The following LARS2 variants were observed in gnomAD, a reference collection of about 807,000 sequenced individuals.
LARS2 encodes the protein leucine--tRNA ligase, mitochondrial.
Under a neutral mutation model 116.6 loss-of-function variants are expected in LARS2, and 81 were observed. The ratio of observed to expected loss-of-function variants is 0.69; its 90% confidence interval spans 0.58 to 0.84. The LOEUF (loss-of-function observed/expected upper bound fraction) is 0.84. Among genes scored for constraint, LARS2 ranks in the 40% least tolerant of loss-of-function variants. The pLI, the probability that LARS2 is intolerant of heterozygous loss-of-function variation, is 0.00. For synonymous variants in LARS2, 396 were observed against 407.2 expected, an observed-to-expected ratio of 0.97 and a Z score of 0.33; for missense variants, 968 against 1,114.5, an observed-to-expected ratio of 0.87 and a Z score of 1.87.
intron 7 of LARS2, among the ~76,000 whole-genome samples, 174 bp downstream of exon 7, chr3:45,447,154 T>C (rs993066729): frequency 6.6e-6 from 1 of 152,156 alleles, no homozygotes; most frequent in African/African-American, 2.4e-5. Context: ...CTGGGCTTCT[T>C]TTACCCTTGA....
At chr3:45,540,738 A>C (rs1451847089) in intron 20 of LARS2, among the ~76,000 whole-genome samples, 1 of 75,100 alleles carries the variant, frequency 1.3e-5, no homozygotes, top group African/African-American at 3.6e-5. Context: ...GCTTGCATGT[A>C]TCTATCTGTC....
At chr3:45,528,541 T>G (rs747999828) in intron 20 of LARS2, among the ~76,000 whole-genome samples, 25 of 152,198 alleles carry the variant, frequency 1.6e-4, no homozygotes, top group Non-Finnish European at 3.2e-4. Context: ...GTTTTAGAAC[T>G]GGATTTCCAT....
intron 13 of LARS2, among the ~76,000 whole-genome samples, chr3:45,494,959 TCAGGAGGCTGAGG>T (rs1164891459): frequency 6.6e-6 from 1 of 152,108 alleles, no homozygotes; most frequent in Middle Eastern, 3.2e-3. Context: ...TCCCAGTTAC[TCAGGAGGCTGAGG>T]CAGGAGAATT....
At chr3:45,415,860 A>AAATATAT (rs1553627793) in intron 4 of LARS2, among the ~76,000 whole-genome samples, 8 of 92,734 alleles carry the variant, frequency 8.6e-5, no homozygotes, top group African/African-American at 3.5e-4. Context: ...AAAAAAAAAA[A>AAATATAT]ATATATATAT....
intron 15 of LARS2, among the ~76,000 whole-genome samples, chr3:45,503,589 G>A (rs1050531355): frequency 2.6e-5 from 4 of 151,980 alleles, no homozygotes; most frequent in Admixed American, 1.3e-4. Context: ...TACTCCAACT[G>A]ACTTTTTCAC....
intron 6 of LARS2, among the ~76,000 whole-genome samples, chr3:45,442,797 G>C (rs1437883456): frequency 6.6e-6 from 1 of 152,168 alleles, no homozygotes; most frequent in Non-Finnish European, 1.5e-5. Context: ...TGTTTAACAT[G>C]TTATCAGTAT....
intron 15 of LARS2, 71 bp downstream of exon 15, chr3:45,500,650 T>C: frequency 8.2e-7 from 1 of 1,214,002 alleles, no homozygotes; most frequent in Non-Finnish European, 1.1e-6. Context: ...TGTCAGTTCT[T>C]CTGAAGCAAG....
chr3:45,503,884 G>A (rs1156251259), intron 15 of LARS2, among the ~76,000 whole-genome samples: 2 of 151,928 alleles, frequency 1.3e-5, no homozygotes, highest in African/African-American at 2.4e-5. Flanking sequence ...CTCCCTGCAC[G>A]CCACTCTTTA....
chr3:45,532,735 G>C (rs1386883494), intron 20 of LARS2, among the ~76,000 whole-genome samples: 1 of 152,060 alleles, frequency 6.6e-6, no homozygotes, highest in Non-Finnish European at 1.5e-5. Context: ...TCCGCCTCCC[G>C]GGTTCAAGCA....
In LARS2 at chr3:45,476,538, C is replaced by G. The variant is rs537811830; in HGVS notation, c.929C>G (p.Ser310Cys). 1 of 1,614,224 alleles carries G rather than the reference C, an allele frequency of 6.2e-7. No individual in the cohort carries two copies. The highest frequency in any genetic ancestry group is 2.2e-5 in the East Asian group (1 of 44,890). The change falls in exon 10 of 22, where the codon TCC becomes TGC. Residue 310 changes from serine (S) to cysteine (C), a missense_variant. Ser to Cys is a moderately radical substitution (Grantham distance 112). Transcript: ENST00000645846. Reference sequence around the variant, plus strand: ...ACCCCTGAAGCCATTTATGGCACCTCCCACGTGGCCATCTCGCCCAGCCAC... The same window carrying G: ...ACCCCTGAAGCCATTTATGGCACCTGCCACGTGGCCATCTCGCCCAGCCAC... ...TATPEAIYGT[S>C]HVAISPSHRL...
chr3:45,414,687 G>A lies in LARS2; in HGVS notation c.364-2795G>A, dbSNP rs913591636. Among the ~76,000 whole-genome samples the A allele has an allele frequency of 1.9e-4, 29 of 151,618 alleles. 1 individual carries two copies. Among genetic ancestry groups the A allele is most frequent in the African/African-American group, 6.5e-4 (27 of 41,300 alleles). Reference sequence around the variant, plus strand: ...GAGATTACGGTGAACTGATCGTGGCGCCACTGCACTTCAGCCTCGGCAACC... The same window carrying A: ...GAGATTACGGTGAACTGATCGTGGCACCACTGCACTTCAGCCTCGGCAACC... On this transcript the variant is annotated intron_variant, in intron 4 of 21. Coordinates refer to ENST00000645846, the MANE Select transcript of LARS2 (RefSeq NM_015340.4).
At chr3:45,543,794 T>A (rs772675127) in intron 21 of LARS2, among the ~76,000 whole-genome samples, 8 of 152,266 alleles carry the variant, frequency 5.3e-5, no homozygotes, top group Non-Finnish European at 1.2e-4. Context: ...ATTTGAGTAA[T>A]GTTTATGAGA....
At chr3:45,507,845 G>GTAC (rs1700221988) in intron 15 of LARS2, among the ~76,000 whole-genome samples, 1 of 152,016 alleles carries the variant, frequency 6.6e-6, no homozygotes, top group African/African-American at 2.4e-5. Context: ...TTTTTACAAT[G>GTAC]ATTGTGTAAC....
At chr3:45,464,301 G>A (rs1304526760) in intron 8 of LARS2, among the ~76,000 whole-genome samples, 2 of 152,202 alleles carry the variant, frequency 1.3e-5, no homozygotes, top group African/African-American at 4.8e-5. Flanking sequence ...CAGCCTCAGA[G>A]AAGCAGTGAG....
intron 7 of LARS2, among the ~76,000 whole-genome samples, chr3:45,449,739 A>C (rs1699094047): frequency 6.6e-6 from 1 of 152,246 alleles, no homozygotes; most frequent in Non-Finnish European, 1.5e-5. Context: ...TTATTTCAAA[A>C]TACAAATTTT....
intron 6 of LARS2, among the ~76,000 whole-genome samples, chr3:45,422,787 A>G (rs1698535949): frequency 6.6e-6 from 1 of 152,184 alleles, no homozygotes; most frequent in African/African-American, 2.4e-5. Flanking sequence ...TTTATTAAAA[A>G]AATAAACTTT....
At chr3:45,491,839 G>T (rs1213364563) in intron 13 of LARS2, 39 bp downstream of exon 13, 3 of 1,588,086 alleles carry the variant, frequency 1.9e-6, no homozygotes, top group Non-Finnish European at 2.6e-6. Flanking sequence ...CTGTGCCTAT[G>T]GCCCCATACC....
chr3:45,450,311 C>A (rs1462459383), intron 7 of LARS2, among the ~76,000 whole-genome samples: 5 of 152,132 alleles, frequency 3.3e-5, no homozygotes, highest in Non-Finnish European at 7.4e-5. Context: ...AATTTCCCTA[C>A]TGTATTATCA....
At chr3:45,503,847 A>T (rs866871707) in intron 15 of LARS2, among the ~76,000 whole-genome samples, 1 of 152,062 alleles carries the variant, frequency 6.6e-6, no homozygotes, top group Non-Finnish European at 1.5e-5. Flanking sequence ...TTTTGTAACT[A>T]CACAGAAAGT....
Sources: gnomAD v4.1 joint callset for allele counts (sites outside exome capture counted in the v4.1 genomes callset) on GRCh38, gnomAD v4.1.1 for gene constraint, MANE v1.5 for transcripts, NCBI Gene and HGNC (gene_info 2026-07-23, HGNC 2026-07-21) for gene names.